The following CDH6 variants were observed in gnomAD, a reference collection of about 807,000 sequenced individuals.
CDH6 encodes the protein cadherin-6.
Under a neutral mutation model 78.0 loss-of-function variants are expected in CDH6, and 31 were observed. The observed-to-expected ratio is 0.40, with a 90% CI of 0.30 to 0.54. CDH6 has a LOEUF of 0.54. Ranked by LOEUF, CDH6 falls within the 20% of genes least tolerant of loss-of-function variation. The pLI is 0.56. For missense variants in CDH6, 724 were observed against 975.9 expected, an observed-to-expected ratio of 0.74 and a Z score of 3.44; for synonymous variants, 376 against 368.8, an observed-to-expected ratio of 1.02 and a Z score of -0.23.
At chr5:31,199,347 G>A (rs1324708210) in intron 1 of CDH6, among the ~76,000 whole-genome samples, 1 of 148,606 alleles carries the variant, frequency 6.7e-6, no homozygotes, top group Non-Finnish European at 1.5e-5. Flanking sequence ...TATACATATG[G>A]TGTATATATA....
chr5:31,208,733 C>G (rs765127571), intron 1 of CDH6, among the ~76,000 whole-genome samples: 22 of 151,966 alleles, frequency 1.4e-4, no homozygotes, highest in Non-Finnish European at 3.1e-4. Flanking sequence ...ATGGAAAACC[C>G]TTATGTATGT....
At chr5:31,319,015 A>C in intron 11 of CDH6, 1 of 201,574 alleles carries the variant, frequency 5.0e-6, no homozygotes, top group South Asian at 1.9e-4. Flanking sequence ...ATGCACATAA[A>C]TAAAAACTGA....
At chr5:31,196,214 G>GA (rs1171352155) in intron 1 of CDH6, among the ~76,000 whole-genome samples, 2 of 152,162 alleles carry the variant, frequency 1.3e-5, no homozygotes, top group East Asian at 1.9e-4. Flanking sequence ...TCCTTTTTAA[G>GA]AAAAAATGTA....
intron 1 of CDH6, among the ~76,000 whole-genome samples, chr5:31,218,372 T>G (rs1373440483): frequency 6.6e-6 from 1 of 152,080 alleles, no homozygotes; most frequent in Non-Finnish European, 1.5e-5. Context: ...AAAACATGGG[T>G]AGGTAATTCC....
At chr5:31,196,596 A>T (rs1740174109) in intron 1 of CDH6, among the ~76,000 whole-genome samples, 1 of 152,134 alleles carries the variant, frequency 6.6e-6, no homozygotes, top group Non-Finnish European at 1.5e-5. Flanking sequence ...TGCAGAATGG[A>T]TTTTGTTACC....
intron 1 of CDH6, among the ~76,000 whole-genome samples, chr5:31,205,674 T>C (rs1740497218): frequency 6.6e-6 from 1 of 152,246 alleles, no homozygotes; most frequent in South Asian, 2.1e-4. Flanking sequence ...AGTAGCCATA[T>C]GTGTGACCAT....
rs1362139358 is a variant in CDH6 at position 31,267,659 on chromosome 5, C to T, written c.186C>T (p.Leu62=). ...KRSWMWNQFF[L]LEEYTGSDYQ... ...GCTGGATGTGGAATCAGTTCTTTCT[C>T]CTGGAGGAATACACAGGATCCGATT... is the stretch of plus-strand genomic sequence containing the variant. The change falls in exon 2 of 12, where the codon CTC becomes CTT. Residue 62 remains leucine, a synonymous_variant. Transcript: ENST00000265071. 2 of 1,614,106 alleles carry T rather than the reference C, an allele frequency of 1.2e-6. No homozygotes were observed. Among genetic ancestry groups the T allele is most frequent in the South Asian group, 2.2e-5 (2 of 91,074 alleles).
chr5:31,200,427 T>C (rs1740317850), intron 1 of CDH6, among the ~76,000 whole-genome samples: 1 of 152,038 alleles, frequency 6.6e-6, no homozygotes, highest in South Asian at 2.1e-4. Flanking sequence ...TGGGTAGAGC[T>C]AAGTAAGATA....
chr5:31,212,391 T>G (rs552470582), intron 1 of CDH6, among the ~76,000 whole-genome samples: 80 of 152,330 alleles, frequency 5.3e-4, no homozygotes, highest in African/African-American at 1.7e-3. Flanking sequence ...GACATTTTTT[T>G]GTGTACAAAT....
intron 4 of CDH6, among the ~76,000 whole-genome samples, chr5:31,298,715 A>T (rs1737674323): frequency 6.6e-6 from 1 of 152,234 alleles, no homozygotes; most frequent in Non-Finnish European, 1.5e-5. Context: ...AACTTTTAGA[A>T]GTTCTTTAAC....
At position 31,278,491 on chromosome 5, in the gene CDH6, T is replaced by C. The variant is rs117159581; in HGVS notation, c.228+10790T>C. On this transcript the variant is annotated intron_variant, in intron 2 of 11. Transcript: ENST00000265071. ...AATTAAAATCAGACATTATTTAGGGTCTCAGTAGAAGAAAGTTTGAAACAA... is the reference window on the plus strand; with the variant it reads ...AATTAAAATCAGACATTATTTAGGGCCTCAGTAGAAGAAAGTTTGAAACAA... 1.8e-3 allele frequency among the ~76,000 whole-genome samples: 272 copies of C among 152,248 alleles called. 7 individuals are homozygous for C. In the East Asian group the frequency reaches 0.043, roughly 24 times the overall value.
intron 2 of CDH6, among the ~76,000 whole-genome samples, chr5:31,268,808 CTT>C (rs1399089102): frequency 6.6e-6 from 1 of 152,176 alleles, no homozygotes; most frequent in African/African-American, 2.4e-5. Flanking sequence ...TAAATATTCT[CTT>C]TAAGTATTTA....
chr5:31,315,057 G>C (rs539406534), intron 8 of CDH6, among the ~76,000 whole-genome samples: 1 of 152,146 alleles, frequency 6.6e-6, no homozygotes, highest in East Asian at 1.9e-4. Flanking sequence ...CTGATTCCTC[G>C]ACCTGAAGAG....
intron 1 of CDH6, among the ~76,000 whole-genome samples, chr5:31,216,681 A>AC (rs1264519228): frequency 2.9e-5 from 1 of 34,922 alleles, no homozygotes; most frequent in East Asian, 1.4e-3. Flanking sequence ...AAGCCCTGCC[A>AC]CCAAAAAAAA....
intron 6 of CDH6, among the ~76,000 whole-genome samples, chr5:31,302,968 G>GC (rs1737870451): frequency 8.4e-6 from 1 of 119,024 alleles, no homozygotes; most frequent in South Asian, 2.9e-4. Flanking sequence ...GGAAAGAAAA[G>GC]AAAGAAAGAA....
intron 7 of CDH6, among the ~76,000 whole-genome samples, chr5:31,307,151 T>C (rs1352423930): frequency 6.6e-6 from 1 of 152,110 alleles, no homozygotes; most frequent in African/African-American, 2.4e-5. Flanking sequence ...GGCTTTGTAG[T>C]TGATGGTAAA....
At chr5:31,319,415 T>G (rs1053837022) in intron 11 of CDH6, among the ~76,000 whole-genome samples, 2 of 152,238 alleles carry the variant, frequency 1.3e-5, no homozygotes, top group African/African-American at 4.8e-5. Context: ...ATAGGTCAGA[T>G]GCTGTGCAAG....
Position 31,322,935 on chromosome 5 carries a change from A to T in CDH6, c.2000A>T (p.Glu667Val). Residue 667 changes from glutamate to valine, a missense_variant, in exon 12 of 12, where the codon GAG becomes GTG. By Grantham distance (121) the Glu-to-Val change is moderately radical (BLOSUM62 -2). Around this residue, in one of 3 missense-constraint regions of CDH6, gnomAD observed 220 missense variants for 240.6 expected, o/e 0.91. Transcript: ENST00000265071. Reference protein sequence around the residue: ...VSYNDEGGGEEDTQAFDIGTL... With the variant: ...VSYNDEGGGEVDTQAFDIGTL... ...TACAACGACGAAGGTGGTGGAGAGG[A>T]GGACACCCAGGCTTTTGATATCGGC... 6.2e-7 allele frequency: 1 copy of T among 1,614,152 alleles called. No individual in the cohort carries two copies. Among genetic ancestry groups the T allele is most frequent in the Non-Finnish European group, 8.5e-7 (1 of 1,180,010 alleles).
At chr5:31,289,979 G>T (rs1743112108) in intron 2 of CDH6, among the ~76,000 whole-genome samples, 1 of 152,030 alleles carries the variant, frequency 6.6e-6, no homozygotes, top group South Asian at 2.1e-4. Flanking sequence ...AAAAAAAATG[G>T]GCACAGTGGC....
Sources: gnomAD v4.1 joint callset for allele counts (sites outside exome capture counted in the v4.1 genomes callset) on GRCh38, gnomAD v4.1.1 for gene constraint, gnomAD v4.1.1 regional missense constraint, MANE v1.5 for transcripts, NCBI Gene and HGNC (gene_info 2026-07-23, HGNC 2026-07-21) for gene names.